BHMT2: variants seen among roughly 807,000 people sequenced by gnomAD.
BHMT2 encodes the protein betaine--homocysteine S-methyltransferase 2.
A neutral mutation model predicts 39.0 loss-of-function variants in BHMT2; 28 were observed. The ratio of observed to expected loss-of-function variants is 0.72; its 90% CI spans 0.53 to 0.98. The LOEUF (loss-of-function observed/expected upper bound fraction) is 0.98. Among genes scored for constraint, BHMT2 ranks in the 50% least tolerant of loss-of-function variants. The probability of loss-of-function intolerance (pLI) is 0.00; values close to 1 mark genes in which losing one functional copy is unlikely to be tolerated. For synonymous variants in BHMT2, 145 were observed against 160.6 expected (o/e 0.90, Z 0.74); for missense variants, 410 against 455.6 (o/e 0.90, Z 0.91).
intron 1 of BHMT2, among the ~76,000 whole-genome samples, chr5:79,076,423 A>G (rs62377951): frequency 0.11 from 17,439 of 152,094 alleles, 1,356 homozygotes; most frequent in Non-Finnish European, 0.17. Flanking sequence ...GGGCGCAAAA[A>G]CAGGAGTGCC....
chr5:79,078,268 A>T (rs1226736293), intron 2 of BHMT2: 1 of 112,364 alleles, frequency 8.9e-6, no homozygotes, highest in Non-Finnish European at 1.6e-5. Context: ...CTGGCTGGGA[A>T]AAAAAAAAAA....
In BHMT2 at chr5:79,088,850, G is replaced by A. The variant is rs1755960361; in HGVS notation, c.*276G>A. The A allele has an allele frequency of 2.1e-5, 6 of 282,588 alleles. No individual in the cohort carries two copies. The highest frequency in any genetic ancestry group is 1.0e-4 in the Admixed American group (2 of 19,246). 17.5% of individuals were successfully genotyped at this position (282,588 alleles called of 1,614,324 possible). On this transcript the variant is annotated 3_prime_UTR_variant, in exon 8 of 8. Coordinates refer to ENST00000255192, the MANE Select transcript of BHMT2 (RefSeq NM_017614.5). ...ACTTACTGTCCAATCATGCTGTGGT[G>A]CATTCCTTTGAAGATCATGAAGAAT...
rs1755776631 is a variant in BHMT2, at chr5:79,080,951, A to T, written c.450+73A>T. The T allele has an allele frequency of 3.7e-6, 5 of 1,367,564 alleles. No individual in the cohort carries two copies. In the Admixed American group the frequency reaches 1.0e-4, roughly 28 times the overall value. The allele number at this position is 1,367,564 out of a possible 1,614,324, so 84.7% of individuals were successfully genotyped here. A position where few individuals can be genotyped will look rare whatever the true frequency, so the allele number is the denominator to read the frequency against. On this transcript the variant is annotated intron_variant, in intron 4 of 7. Transcript: ENST00000255192. ...AACTGCAGAGTCTTCACATTTCATG[A>T]GGGTATTGGACAACATTCTGCCCTC...
At chr5:79,087,384 G>T (rs1366816471) in intron 7 of BHMT2, among the ~76,000 whole-genome samples, 2 of 151,910 alleles carry the variant, frequency 1.3e-5, no homozygotes, top group African/African-American at 2.4e-5. Context: ...ACATACTTTG[G>T]TGATGATTAA....
At chr5:79,077,058 A>G (rs1325065193) in intron 1 of BHMT2, among the ~76,000 whole-genome samples, 1 of 152,214 alleles carries the variant, frequency 6.6e-6, no homozygotes. Flanking sequence ...CTCACTGGCC[A>G]GCACTGTGTC....
chr5:79,072,990 G>A (rs1277455718), intron 1 of BHMT2, among the ~76,000 whole-genome samples: 1 of 144,634 alleles, frequency 6.9e-6, no homozygotes, highest in Non-Finnish European at 1.5e-5. Context: ...TTGAGACAGA[G>A]TCTCACTCTG....
At chr5:79,081,022 G>C in intron 4 of BHMT2, 144 bp downstream of exon 4, 1 of 733,800 alleles carries the variant, frequency 1.4e-6, no homozygotes, top group Non-Finnish European at 2.1e-6. Flanking sequence ...ATGCATGGTA[G>C]TCAAGGCCAA....
intron 1 of BHMT2, among the ~76,000 whole-genome samples, chr5:79,071,743 T>C (rs1309204835): frequency 1.4e-5 from 2 of 145,002 alleles, no homozygotes; most frequent in Non-Finnish European, 3.0e-5. Context: ...AAATAACCCA[T>C]ATAGCAAACC....
intron 4 of BHMT2, among the ~76,000 whole-genome samples, chr5:79,081,101 C>T (rs1755779527): frequency 6.6e-6 from 1 of 152,134 alleles, no homozygotes; most frequent in Non-Finnish European, 1.5e-5. Context: ...CTGACCATAG[C>T]CTTTTATCTT....
At chr5:79,077,845 ACACACACTCC>A in intron 2 of BHMT2, 1 of 367,608 alleles carries the variant, frequency 2.7e-6, no homozygotes, top group Non-Finnish European at 5.0e-6. Flanking sequence ...CCACACGCCC[ACACACACTCC>A]CACACACACA....
At chr5:79,078,279 A>T (rs1755716805) in intron 2 of BHMT2, 1 of 152,116 alleles carries the variant, frequency 6.6e-6, no homozygotes, top group South Asian at 2.1e-4. Context: ...AAAAAAAAAA[A>T]AAAAAGAGCT....
intron 3 of BHMT2, among the ~76,000 whole-genome samples, chr5:79,080,162 T>A (rs192556962): frequency 6.6e-6 from 1 of 152,252 alleles, no homozygotes; most frequent in Non-Finnish European, 1.5e-5. Flanking sequence ...ACCTATTGGC[T>A]GTGTGGCTTT....
intron 3 of BHMT2, 89 bp downstream of exon 3, chr5:79,079,549 C>T (rs750505729): frequency 3.3e-6 from 3 of 899,742 alleles, no homozygotes; most frequent in East Asian, 5.0e-5. Context: ...TTATGTGTTA[C>T]TATACTTTAT....
Position 79,089,633 on chromosome 5 carries a change from T to TTGA in BHMT2, c.*1061_*1063dup, listed in dbSNP as rs1435105606. ...TAGGTGCACAGTGAAATACTTATTG[T>TTGA]TGATTGTTTAAAAATAAAGTTTTAG... On this transcript the variant is annotated 3_prime_UTR_variant, in exon 8 of 8. Coordinates refer to ENST00000255192, the MANE Select transcript of BHMT2 (RefSeq NM_017614.5). Among the ~76,000 whole-genome samples the TTGA allele has an allele frequency of 6.6e-6, 1 of 152,188 alleles. No homozygotes were observed. The highest frequency in any genetic ancestry group is 2.4e-5 in the African/African-American group (1 of 41,444).
intron 1 of BHMT2, among the ~76,000 whole-genome samples, chr5:79,075,443 A>G (rs896067514): frequency 2.7e-4 from 41 of 152,124 alleles, no homozygotes; most frequent in African/African-American, 9.9e-4. Flanking sequence ...CCTTGGATTC[A>G]GGAACTGAGG....
intron 1 of BHMT2, among the ~76,000 whole-genome samples, chr5:79,074,808 T>C (rs1755643605): frequency 6.6e-6 from 1 of 152,176 alleles, no homozygotes. Context: ...TGCAGCAAGG[T>C]AGAGCCATGT....
At chr5:79,084,320 A>AG (rs1307652002) in intron 7 of BHMT2, among the ~76,000 whole-genome samples, 4 of 152,058 alleles carry the variant, frequency 2.6e-5, no homozygotes, top group Non-Finnish European at 4.4e-5. Flanking sequence ...TCTGTTGTCC[A>AG]GGCTGCAGTG....
rs750817109 is a variant in BHMT2 at position 79,080,865 on chromosome 5, T to C, written c.437T>C (p.Phe146Ser). Residue 146 changes from phenylalanine to serine, a missense_variant, in exon 4 of 8, where the codon TTC becomes TCC. Transcript: ENST00000255192. ...LEVFAWKNVD[F>S]LIAEYFEHVE... Reference sequence around the variant, plus strand: ...GTTTTTGCCTGGAAAAATGTGGACTTCTTGATTGCAGAGGTGAGGCTAGTA... The same window carrying C: ...GTTTTTGCCTGGAAAAATGTGGACTCCTTGATTGCAGAGGTGAGGCTAGTA... 6 of 1,595,304 alleles carry C rather than the reference T, an allele frequency of 3.8e-6. No homozygotes were observed. The East Asian group carries it at 1.4e-4, about 36-fold the overall frequency.
intron 1 of BHMT2, among the ~76,000 whole-genome samples, chr5:79,071,632 G>A (rs1755579562): frequency 6.6e-6 from 1 of 152,028 alleles, no homozygotes. Context: ...ATAATGGTGA[G>A]GAACAACACA....
Sources: allele counts gnomAD v4.1 joint callset (sites outside exome capture counted in the v4.1 genomes callset), GRCh38; gene constraint gnomAD v4.1.1; transcripts MANE v1.5; gene names NCBI Gene and HGNC (gene_info 2026-07-23, HGNC 2026-07-21).